Variants in TIPIN observed in about 807,000 individuals in gnomAD.
TIPIN encodes TIMELESS-interacting protein.
A neutral mutation model predicts 35.6 loss-of-function variants in TIPIN; 29 were observed. That is an observed-to-expected ratio of 0.82 (90% confidence interval 0.61 to 1.11). TIPIN has a LOEUF of 1.11. Ranked by LOEUF, TIPIN falls within the 50% of genes most tolerant of loss-of-function variation. TIPIN has a pLI of 0.00. For synonymous variants in TIPIN, 102 were observed against 121.5 expected, an observed-to-expected ratio of 0.84 and a Z score of 1.06; for missense variants, 296 against 345.4, an observed-to-expected ratio of 0.86 and a Z score of 1.13.
chr15:66,339,280 C>CTT lies in TIPIN; in HGVS notation c.682+1868_682+1869dup, dbSNP rs62627330. Among the ~76,000 whole-genome samples, 26 of 142,956 alleles carry CTT rather than the reference C, an allele frequency of 1.8e-4. No homozygotes were observed. In the South Asian group the frequency reaches 3.8e-3, roughly 21 times the overall value. The allele number at this position is 142,956 out of a possible 152,430, so 93.8% of individuals were successfully genotyped here. A position where few individuals can be genotyped will look rare whatever the true frequency, so the allele number is the denominator to read the frequency against. ...AACATGGTATCTAGTTATTATAATTCTTTTTTTTTTTGTAGAGACGGGGAC... is the reference window on the plus strand; with the variant it reads ...AACATGGTATCTAGTTATTATAATTCTTTTTTTTTTTTTGTAGAGACGGGGAC... On this transcript the variant is annotated intron_variant, in intron 7 of 7. Coordinates refer to ENST00000261881, the MANE Select transcript of TIPIN (RefSeq NM_017858.3).
At chr15:66,348,506 C>CT in intron 6 of TIPIN, 1 of 83,300 alleles carries the variant, frequency 1.2e-5, no homozygotes, top group Admixed American at 1.4e-4. Context: ...CCCATCTCTA[C>CT]TAAAAAAAAA....
upstream of TIPIN, among the ~76,000 whole-genome samples, chr15:66,359,222 TTCTG>T (rs1418496635): frequency 6.6e-6 from 1 of 151,622 alleles, no homozygotes; most frequent in Non-Finnish European, 1.5e-5. Context: ...AAATTACCAA[TTCTG>T]TCTAAAATTA....
upstream of TIPIN, among the ~76,000 whole-genome samples, chr15:66,361,656 C>T (rs73486091): frequency 9.6e-3 from 1,459 of 151,990 alleles, 32 homozygotes; most frequent in African/African-American, 0.033. Flanking sequence ...GCCATTTCAC[C>T]GGAGATATAA....
rs914537659 is a variant in TIPIN, at chr15:66,352,042, T to C, written c.212+87A>G. On this transcript the variant is annotated intron_variant, in intron 3 of 7. Transcript: ENST00000261881. ...TTAGAAATATAAGAGCTCCACATCATACCAACCAAAAGTTTATAACATTAG... is the reference window on the plus strand; with the variant it reads ...TTAGAAATATAAGAGCTCCACATCACACCAACCAAAAGTTTATAACATTAG... The C allele has an allele frequency of 3.4e-6, 4 of 1,163,020 alleles. No homozygotes were observed. In the African/African-American group the frequency reaches 6.4e-5, roughly 19 times the overall value. 72.0% of individuals were successfully genotyped at this position (1,163,020 alleles called of 1,614,324 possible). A position where few individuals can be genotyped will look rare whatever the true frequency, so the allele number is the denominator to read the frequency against.
At chr15:66,372,339 T>G (rs2093280621) in intron 1 of TIPIN, among the ~76,000 whole-genome samples, 1 of 152,250 alleles carries the variant, frequency 6.6e-6, no homozygotes, top group African/African-American at 2.4e-5. Flanking sequence ...TACTTTCTTG[T>G]GTCTAGCTTC....
At chr15:66,350,938 TAAAAAAAA>T (rs35214451) in intron 4 of TIPIN, among the ~76,000 whole-genome samples, 3 of 82,392 alleles carry the variant, frequency 3.6e-5, no homozygotes, top group Non-Finnish European at 6.9e-5. Context: ...GACTCCGTCT[TAAAAAAAA>T]AAAAAAAAAA....
chr15:66,383,005 T>C (rs1595826040), intron 1 of TIPIN: 1 of 985,316 alleles, frequency 1.0e-6, no homozygotes, highest in South Asian at 4.7e-5. Flanking sequence ...ACTTTAACCA[T>C]TGGGGTAATT....
intron 1 of TIPIN, chr15:66,379,747 C>T: frequency 6.2e-7 from 1 of 1,607,434 alleles, no homozygotes; most frequent in South Asian, 1.1e-5. Flanking sequence ...CATTTGTCAA[C>T]CAGAGCCTCT....
chr15:66,375,817 T>C (rs1334484913), intron 1 of TIPIN, among the ~76,000 whole-genome samples: 1 of 103,744 alleles, frequency 9.6e-6, no homozygotes, highest in Non-Finnish European at 2.4e-5. Flanking sequence ...CATATACAAA[T>C]ATATTCTTGT....
intron 6 of TIPIN, among the ~76,000 whole-genome samples, chr15:66,347,615 C>T (rs62627306): frequency 0.012 from 1,814 of 152,200 alleles, 28 homozygotes; most frequent in African/African-American, 0.041. Flanking sequence ...AAGAGTCTCA[C>T]TCTGTCACCC....
chr15:66,351,995 C>T, intron 3 of TIPIN, 134 bp downstream of exon 3: 1 of 683,914 alleles, frequency 1.5e-6, no homozygotes, highest in Non-Finnish European at 2.4e-6. Flanking sequence ...AAAATATGTT[C>T]TGCTGAACTA....
At chr15:66,386,278 G>C (rs534288299) in intron 1 of TIPIN, 1 of 150,926 alleles carries the variant, frequency 6.6e-6, no homozygotes. Context: ...GGCAACTGAG[G>C]GAGACACCGT....
At chr15:66,344,704 A>G (rs2093111863) in intron 6 of TIPIN, among the ~76,000 whole-genome samples, 1 of 151,518 alleles carries the variant, frequency 6.6e-6, no homozygotes, top group Non-Finnish European at 1.5e-5. Context: ...AAAAAGAAAA[A>G]AAAAAAAAAG....
chr15:66,375,333 C>CTTTT (rs776489035), intron 1 of TIPIN, among the ~76,000 whole-genome samples: 7 of 151,658 alleles, frequency 4.6e-5, no homozygotes, highest in Admixed American at 2.0e-4. Context: ...CTTTTTCACT[C>CTTTT]TGTTTTTGTT....
At chr15:66,367,726 A>T in intron 1 of TIPIN, among the ~76,000 whole-genome samples, 1 of 149,950 alleles carries the variant, frequency 6.7e-6, no homozygotes, top group African/African-American at 2.5e-5. Flanking sequence ...ACTGTAAACA[A>T]TTTTTTATGT....
At chr15:66,374,104 T>C (rs1419505998) in intron 1 of TIPIN, among the ~76,000 whole-genome samples, 3 of 152,068 alleles carry the variant, frequency 2.0e-5, no homozygotes, top group Admixed American at 2.0e-4. Flanking sequence ...ATTTAGATTG[T>C]TTTAATTTTT....
intron 6 of TIPIN, 50 bp downstream of exon 6, chr15:66,349,010 C>T (rs767001756): frequency 6.8e-7 from 1 of 1,479,620 alleles, no homozygotes; most frequent in Non-Finnish European, 9.4e-7. Context: ...CTGCCTAGAT[C>T]TATTTCTAAA....
intron 6 of TIPIN, 66 bp downstream of exon 6, chr15:66,348,994 C>G (rs1293696747): frequency 7.6e-7 from 1 of 1,307,726 alleles, no homozygotes; most frequent in Non-Finnish European, 1.1e-6. Flanking sequence ...GTTGAGCCAC[C>G]ACACCCTGCC....
At chr15:66,379,835 CA>C in intron 1 of TIPIN, 1 of 1,596,306 alleles carries the variant, frequency 6.3e-7, no homozygotes, top group Non-Finnish European at 8.5e-7. Flanking sequence ...TGGGGCCATT[CA>C]CGATAACTGT....
Sources: gnomAD v4.1 joint callset for allele counts (sites outside exome capture counted in the v4.1 genomes callset) on GRCh38, gnomAD v4.1.1 for gene constraint, MANE v1.5 for transcripts, NCBI Gene and HGNC (gene_info 2026-07-23, HGNC 2026-07-21) for gene names.